CREB3L1: variants seen among roughly 807,000 people sequenced by gnomAD.
CREB3L1 encodes the protein cAMP responsive element binding protein 3 like 1, also known as cyclic AMP-responsive element-binding protein 3-like protein 1.
CREB3L1 carries 33 observed loss-of-function variants against 54.5 expected under a neutral mutation model. That is an observed-to-expected ratio of 0.61 (90% CI 0.46 to 0.81). The LOEUF (loss-of-function observed/expected upper bound fraction) is 0.81. CREB3L1 is among the 30% of genes least tolerant of loss of function. The probability of loss-of-function intolerance (pLI) is 0.00; values close to 1 mark genes in which losing one functional copy is unlikely to be tolerated. For missense variants in CREB3L1, 656 were observed against 673.3 expected (o/e 0.97, Z 0.29); for synonymous variants, 284 against 286.4 (o/e 0.99, Z 0.08).
chr11:46,304,513 G>T (rs899413473), intron 2 of CREB3L1, among the ~76,000 whole-genome samples: 4 of 152,092 alleles, frequency 2.6e-5, no homozygotes, highest in African/African-American at 9.7e-5. Flanking sequence ...CAAGGGCTTA[G>T]AGCTGTGCTC....
intron 8 of CREB3L1, among the ~76,000 whole-genome samples, chr11:46,313,701 GAACT>G (rs997421096): frequency 2.0e-4 from 30 of 151,960 alleles, no homozygotes; most frequent in African/African-American, 6.0e-4. Flanking sequence ...CAGAATTTCA[GAACT>G]CTCTCCAGAC....
At position 46,284,649 on chromosome 11, in the gene CREB3L1, C is replaced by T. The variant is rs1939029852; in HGVS notation, c.102+6436C>T. On this transcript the variant is annotated intron_variant, in intron 1 of 11. Transcript: ENST00000621158. ...AGTCTGGGCAACAAGGGCAAAACTC[C>T]ATCTCCAAAAAAAAAAAAAAAGGCA... Among the ~76,000 whole-genome samples, 3 of 115,704 alleles carry T rather than the reference C, an allele frequency of 2.6e-5. 1 individual carries two copies. In the South Asian group the frequency reaches 8.2e-4, roughly 31 times the overall value. The allele number at this position is 115,704 out of a possible 152,430, so 75.9% of individuals were successfully genotyped here.
intron 1 of CREB3L1, among the ~76,000 whole-genome samples, chr11:46,299,313 TC>T (rs1221684936): frequency 6.6e-6 from 1 of 152,110 alleles, no homozygotes; most frequent in Non-Finnish European, 1.5e-5. Context: ...GCCTAACCTC[TC>T]CATATAAAGG....
chr11:46,314,427 C>G (rs1373198628), intron 8 of CREB3L1, among the ~76,000 whole-genome samples: 4 of 152,052 alleles, frequency 2.6e-5, no homozygotes, highest in African/African-American at 9.6e-5. Flanking sequence ...CACTCTGTTG[C>G]CCATGCTGGA....
At chr11:46,305,640 ATATATATGTGTG>A (rs1302559570) in intron 2 of CREB3L1, among the ~76,000 whole-genome samples, 63 of 94,180 alleles carry the variant, frequency 6.7e-4, no homozygotes, top group Admixed American at 1.7e-3. Flanking sequence ...ATATATATAC[ATATATATGTGTG>A]TATATATGTG....
intron 2 of CREB3L1, among the ~76,000 whole-genome samples, chr11:46,302,329 C>T (rs1038667870): frequency 3.3e-5 from 5 of 152,058 alleles, no homozygotes; most frequent in African/African-American, 1.2e-4. Flanking sequence ...AGGTAGCATT[C>T]TCTAAAGCTC....
intron 9 of CREB3L1, 118 bp from the exon 10 acceptor site, chr11:46,317,243 T>G: frequency 1.5e-6 from 2 of 1,359,404 alleles, no homozygotes; most frequent in Non-Finnish European, 2.0e-6. Context: ...GAGCAGCTGC[T>G]TCCTTGGGAA....
At chr11:46,311,641 A>G (rs897951341) in intron 5 of CREB3L1, among the ~76,000 whole-genome samples, 1 of 152,058 alleles carries the variant, frequency 6.6e-6, no homozygotes, top group African/African-American at 2.4e-5. Context: ...CTGGTATTAC[A>G]GGTGCACACC....
intron 10 of CREB3L1, 137 bp from the exon 11 acceptor site, chr11:46,320,127 C>A: frequency 1.0e-6 from 1 of 969,744 alleles, no homozygotes; most frequent in Non-Finnish European, 1.5e-6. Context: ...GTGTGGCTTA[C>A]CTGAGGTCAC....
chr11:46,313,387 G>C (rs1055749692), intron 8 of CREB3L1, among the ~76,000 whole-genome samples: 1 of 152,108 alleles, frequency 6.6e-6, no homozygotes, highest in Non-Finnish European at 1.5e-5. Context: ...CATCACCTAG[G>C]AGCTTGTTAG....
At chr11:46,306,436 C>T (rs1223997339) in intron 2 of CREB3L1, among the ~76,000 whole-genome samples, 1 of 151,080 alleles carries the variant, frequency 6.6e-6, no homozygotes, top group Non-Finnish European at 1.5e-5. Context: ...CCAGGAAGGT[C>T]AAGACTGCAG....
intron 1 of CREB3L1, among the ~76,000 whole-genome samples, chr11:46,287,138 G>T (rs1939066328): frequency 6.6e-6 from 1 of 152,214 alleles, no homozygotes; most frequent in African/African-American, 2.4e-5. Context: ...AGCTTGGGCA[G>T]GTGCTTTAAC....
chr11:46,277,995 G>GCCCCCGGC lies in CREB3L1; in HGVS notation c.-113_-112insCGGCCCCC. 2.3e-6 allele frequency: 1 copy of GCCCCCGGC among 435,810 alleles called. No homozygotes were observed. 27.0% of individuals were successfully genotyped at this position (435,810 alleles called of 1,614,324 possible). Reference sequence around the variant, plus strand: ...CCGTCCGCCCCTCCCCCGGGGCTTCGCCCCGGACCTGCCCCCCGCCCGTTT... The same window carrying GCCCCCGGC: ...CCGTCCGCCCCTCCCCCGGGGCTTCGCCCCCGGCCCCCGGACCTGCCCCCCGCCCGTTT... On this transcript the variant is annotated 5_prime_UTR_variant, in exon 1 of 12. Transcript: ENST00000621158.
In CREB3L1 at chr11:46,307,834, G is replaced by T; in HGVS notation, c.350G>T (p.Trp117Leu). The change falls in exon 3 of 12, where the codon TGG becomes TTG. Residue 117 changes from tryptophan to leucine, a missense_variant. By Grantham distance (61) the Trp-to-Leu change is moderately conservative. This residue lies in a region of CREB3L1 where 339 missense variants were observed against 331.5 expected (regional missense o/e 1.02). Transcript: ENST00000621158. ...DTTQDAEHGAWALGHKLCSIM... is the reference protein window; with the variant it reads ...DTTQDAEHGALALGHKLCSIM... Reference sequence around the variant, plus strand: ...CCCCTAGATGCAGAGCATGGAGCATGGGCGCTGGGACACAAACTGTGCTCC... The same window carrying T: ...CCCCTAGATGCAGAGCATGGAGCATTGGCGCTGGGACACAAACTGTGCTCC... 6.3e-7 allele frequency: 1 copy of T among 1,578,372 alleles called. No homozygotes were observed. Among genetic ancestry groups the T allele is most frequent in the Non-Finnish European group, 8.6e-7 (1 of 1,162,068 alleles).
At position 46,312,422 on chromosome 11, in the gene CREB3L1, C is replaced by A; in HGVS notation, c.851C>A (p.Thr284Asn). The change falls in exon 6 of 12, where the codon ACC (threonine) becomes AAC (asparagine). Residue 284 changes from threonine (T) to asparagine (N), a missense_variant. Physicochemically the swap from Thr to Asn is moderately conservative, Grantham distance 65. Around this residue, in one of 3 missense-constraint regions of CREB3L1, gnomAD observed 77 missense variants for 122.0 expected, o/e 0.63. Coordinates refer to ENST00000621158, the MANE Select transcript of CREB3L1 (RefSeq NM_052854.4). ...GYPIPTKLPL[T>N]KAEEKALKRV... ...CCCATCCCCACAAAACTCCCCCTCACCAAAGCCGAGGAGAAGGCCTTGAAG... is the reference window on the plus strand; with the variant it reads ...CCCATCCCCACAAAACTCCCCCTCAACAAAGCCGAGGAGAAGGCCTTGAAG... 6.2e-7 allele frequency: 1 copy of A among 1,613,890 alleles called. No individual in the cohort carries two copies. The highest frequency in any genetic ancestry group is 8.5e-7 in the Non-Finnish European group (1 of 1,179,850).
chr11:46,303,284 C>T (rs6485674), intron 2 of CREB3L1, among the ~76,000 whole-genome samples: 2 of 152,014 alleles, frequency 1.3e-5, no homozygotes, highest in Admixed American at 1.3e-4. Flanking sequence ...TGAGAGTTCT[C>T]GTCAGGCTTA....
At position 46,287,751 on chromosome 11, in the gene CREB3L1, G is replaced by A. The variant is rs188486446; in HGVS notation, c.102+9538G>A. Among the ~76,000 whole-genome samples the A allele has an allele frequency of 7.7e-3, 1,166 of 152,190 alleles. 14 individuals are homozygous for A. The highest frequency in any genetic ancestry group is 0.043 in the South Asian group (208 of 4,824). Reference sequence around the variant, plus strand: ...CTAGCACTTTGGGAGGCCGAGGCGGGTGGATCACAAGGTCAGGAGTTTGAG... The same window carrying A: ...CTAGCACTTTGGGAGGCCGAGGCGGATGGATCACAAGGTCAGGAGTTTGAG... On this transcript the variant is annotated intron_variant, in intron 1 of 11. Coordinates refer to ENST00000621158, the MANE Select transcript of CREB3L1 (RefSeq NM_052854.4).
chr11:46,278,267 C>T lies in CREB3L1; in HGVS notation c.102+54C>T. On this transcript the variant is annotated intron_variant, in intron 1 of 11. Coordinates refer to ENST00000621158, the MANE Select transcript of CREB3L1 (RefSeq NM_052854.4). The surrounding 1 kb of genome is among the most constrained non-coding windows in gnomAD (Gnocchi z 4.2). ...CACCCCTCGGCACCCGTCCTCGCGG[C>T]GCGCCTGGGCCCCTAGAAGGACCCG... 1 of 1,236,692 alleles carries T rather than the reference C, an allele frequency of 8.1e-7. No individual in the cohort carries two copies. Among genetic ancestry groups the T allele is most frequent in the South Asian group, 1.4e-5 (1 of 73,692 alleles). The allele number at this position is 1,236,692 out of a possible 1,614,324, so 76.6% of individuals were successfully genotyped here. A position where few individuals can be genotyped will look rare whatever the true frequency, so the allele number is the denominator to read the frequency against.
rs1938897637 is a variant in CREB3L1, at chr11:46,277,929, C to A, written c.-183C>A. On this transcript the variant is annotated 5_prime_UTR_variant, in exon 1 of 12. Transcript: ENST00000621158. ...CCGCTCCTAGCCGCTGCCCTAAGGC[C>A]CCCGCGCGCCCCGCGCCCCCCACCC... 1 of 398,568 alleles carries A rather than the reference C, an allele frequency of 2.5e-6. No individual in the cohort carries two copies. The highest frequency in any genetic ancestry group is 4.4e-6 in the Non-Finnish European group (1 of 227,262). 24.7% of individuals were successfully genotyped at this position (398,568 alleles called of 1,614,324 possible).
Sources: allele counts gnomAD v4.1 joint callset (sites outside exome capture counted in the v4.1 genomes callset), GRCh38; gene constraint gnomAD v4.1.1; regional missense constraint gnomAD v4.1.1; non-coding constraint Gnocchi (gnomAD v3.1); transcripts MANE v1.5; gene names NCBI Gene and HGNC (gene_info 2026-07-23, HGNC 2026-07-21).